The following MCTP2 variants were observed in gnomAD, a reference collection of about 807,000 sequenced individuals.
The protein encoded by MCTP2 is multiple C2 and transmembrane domain-containing protein 2.
A neutral mutation model predicts 111.6 loss-of-function variants in MCTP2; 132 were observed. That is an observed-to-expected ratio of 1.18 (90% CI 1.03 to 1.37). The LOEUF (loss-of-function observed/expected upper bound fraction) is 1.37, where lower values mean the gene tolerates loss of function less well. Among genes scored for constraint, MCTP2 ranks in the 40% most tolerant of loss-of-function variants. MCTP2 has a pLI of 0.00. For synonymous variants in MCTP2, 395 were observed against 387.7 expected, an observed-to-expected ratio of 1.02 and a Z score of -0.22; for missense variants, 1,183 against 1,067.9, an observed-to-expected ratio of 1.11 and a Z score of -1.50.
chr15:94,319,472 C>A (rs1374308611), intron 4 of MCTP2, among the ~76,000 whole-genome samples: 1 of 152,188 alleles, frequency 6.6e-6, no homozygotes, highest in Non-Finnish European at 1.5e-5. Flanking sequence ...CTGAGCCCCG[C>A]ACACAGACTC....
chr15:94,443,067 TATG>T (rs2083880938), intron 19 of MCTP2, 107 bp downstream of exon 19: 4 of 725,378 alleles, frequency 5.5e-6, no homozygotes, highest in Non-Finnish European at 6.5e-6. Flanking sequence ...TTTTTTTTAA[TATG>T]ATAGAGTTAC....
At chr15:94,433,758 C>A (rs2083313669) in intron 17 of MCTP2, among the ~76,000 whole-genome samples, 1 of 152,194 alleles carries the variant, frequency 6.6e-6, no homozygotes, top group Non-Finnish European at 1.5e-5. Context: ...TTTGTCAACA[C>A]TTTATATTAC....
chr15:94,314,849 AC>A, intron 3 of MCTP2: 1 of 447,746 alleles, frequency 2.2e-6, no homozygotes, highest in Admixed American at 2.4e-5. Flanking sequence ...GGAGGAAGTG[AC>A]TGAGTTGCGG....
At chr15:94,408,956 G>A (rs2082027372) in intron 17 of MCTP2, among the ~76,000 whole-genome samples, 1 of 152,186 alleles carries the variant, frequency 6.6e-6, no homozygotes, top group Admixed American at 6.5e-5. Context: ...TTCTGTTGGT[G>A]TGCACTTGCA....
intron 1 of MCTP2, among the ~76,000 whole-genome samples, chr15:94,249,444 A>G (rs973329013): frequency 1.4e-4 from 22 of 151,740 alleles, no homozygotes; most frequent in African/African-American, 5.3e-4. Context: ...CCCAAGGCAG[A>G]TGTTCAAGTG....
chr15:94,281,313 A>C (rs2074473729), intron 1 of MCTP2, among the ~76,000 whole-genome samples: 1 of 152,062 alleles, frequency 6.6e-6, no homozygotes. Context: ...ATCATTATGG[A>C]ATGTCCTTCT....
intron 1 of MCTP2, among the ~76,000 whole-genome samples, chr15:94,291,365 G>A (rs2075022300): frequency 6.6e-6 from 1 of 152,230 alleles, no homozygotes; most frequent in Admixed American, 6.5e-5. Flanking sequence ...TGCTTTGGGA[G>A]GCCGAGGTGG....
At chr15:94,431,891 G>A (rs751588134) in intron 17 of MCTP2, among the ~76,000 whole-genome samples, 4 of 152,114 alleles carry the variant, frequency 2.6e-5, no homozygotes, top group Non-Finnish European at 5.9e-5. Flanking sequence ...TATGACAAAT[G>A]AGTTGATGTA....
At position 94,441,944 on chromosome 15, in the gene MCTP2, A is replaced by G. The variant is rs138155719; in HGVS notation, c.2209-975A>G. On this transcript the variant is annotated intron_variant, in intron 18 of 22. Coordinates refer to ENST00000357742, the MANE Select transcript of MCTP2 (RefSeq NM_001385001.1). ...GCTAGCTGAATCTTGTGAGAATTCT[A>G]GGAGGTAGGGCTATACCGGCCCTGA... Among the ~76,000 whole-genome samples, 13 of 152,286 alleles carry G rather than the reference A, an allele frequency of 8.5e-5. No homozygotes were observed. In the East Asian group the frequency reaches 2.5e-3, roughly 29 times the overall value.
chr15:94,472,601 T>A (rs77430433), intron 21 of MCTP2, among the ~76,000 whole-genome samples: 2,579 of 152,326 alleles, frequency 0.017, 80 homozygotes, highest in African/African-American at 0.059. Context: ...GTATGGAGTT[T>A]ATTATGCTCT....
At chr15:94,278,119 A>G (rs1016162177) in intron 1 of MCTP2, 3 of 152,172 alleles carry the variant, frequency 2.0e-5, no homozygotes, top group Non-Finnish European at 4.4e-5. Flanking sequence ...TTAATTGCCA[A>G]TCAGAATGTC....
At chr15:94,437,945 TAA>T (rs200368044) in intron 17 of MCTP2, among the ~76,000 whole-genome samples, 1 of 147,664 alleles carries the variant, frequency 6.8e-6, no homozygotes. Flanking sequence ...TTGCCTGAGT[TAA>T]AAAAAAAAAT....
At chr15:94,446,605 G>C (rs773407934) in intron 19 of MCTP2, among the ~76,000 whole-genome samples, 1 of 152,180 alleles carries the variant, frequency 6.6e-6, no homozygotes, top group African/African-American at 2.4e-5. Context: ...ACTTGCACTA[G>C]AGTTTCTTTC....
chr15:94,374,821 A>C (rs922888444), intron 12 of MCTP2, among the ~76,000 whole-genome samples: 1 of 152,154 alleles, frequency 6.6e-6, no homozygotes, highest in Non-Finnish European at 1.5e-5. Flanking sequence ...TTAACTCACC[A>C]TGCCAAGAGT....
chr15:94,321,503 T>C (rs1245050328), intron 4 of MCTP2, among the ~76,000 whole-genome samples: 1 of 152,204 alleles, frequency 6.6e-6, no homozygotes, highest in Non-Finnish European at 1.5e-5. Context: ...TTATAGTAAT[T>C]AATGAATAAT....
At chr15:94,434,049 C>G (rs1360164136) in intron 17 of MCTP2, among the ~76,000 whole-genome samples, 1 of 152,030 alleles carries the variant, frequency 6.6e-6, no homozygotes, top group Admixed American at 6.6e-5. Flanking sequence ...CCTTTCATTT[C>G]CTTTCAAAGA....
chr15:94,378,110 G>A (rs780762956), intron 12 of MCTP2, among the ~76,000 whole-genome samples: 17 of 152,150 alleles, frequency 1.1e-4, no homozygotes, highest in Non-Finnish European at 2.4e-4. Context: ...TATTCTGGCA[G>A]CTGTGAGGAG....
intron 19 of MCTP2, among the ~76,000 whole-genome samples, chr15:94,449,357 C>G (rs1205352097): frequency 6.6e-6 from 1 of 152,166 alleles, no homozygotes; most frequent in Admixed American, 6.5e-5. Flanking sequence ...CAAACCAAGG[C>G]TAAGAGAACT....
intron 3 of MCTP2, 109 bp downstream of exon 3, chr15:94,314,453 T>G: frequency 4.5e-6 from 3 of 664,072 alleles, no homozygotes; most frequent in Non-Finnish European, 7.5e-6. Flanking sequence ...AAAAAAAAAA[T>G]GCCAAACCGT....
Sources: allele counts gnomAD v4.1 joint callset (sites outside exome capture counted in the v4.1 genomes callset), GRCh38; gene constraint gnomAD v4.1.1; transcripts MANE v1.5; gene names NCBI Gene and HGNC (gene_info 2026-07-23, HGNC 2026-07-21).